EXOC4: variants seen among roughly 807,000 people sequenced by gnomAD.
EXOC4 encodes the protein SEC8-like 1.
A neutral mutation model predicts 107.2 loss-of-function variants in EXOC4; 71 were observed. The observed-to-expected ratio is 0.66, with a 90% confidence interval of 0.55 to 0.81. The LOEUF (loss-of-function observed/expected upper bound fraction) is 0.81. Ranked by LOEUF, EXOC4 falls within the 30% of genes least tolerant of loss-of-function variation. EXOC4 has a pLI of 0.00. For missense variants in EXOC4, 1,108 were observed against 1,189.6 expected, an observed-to-expected ratio of 0.93 and a Z score of 1.01; for synonymous variants, 456 against 441.2, an observed-to-expected ratio of 1.03 and a Z score of -0.42.
intron 10 of EXOC4, among the ~76,000 whole-genome samples, chr7:133,669,584 G>A (rs909685003): frequency 3.7e-4 from 2 of 5,390 alleles, no homozygotes; most frequent in South Asian, 0.071. Flanking sequence ...AACTATGTTC[G>A]CTAAATGCCT....
At chr7:134,013,032 A>G (rs114777486) in intron 17 of EXOC4, among the ~76,000 whole-genome samples, 1,878 of 152,338 alleles carry the variant, frequency 0.012, 48 homozygotes, top group African/African-American at 0.043. Flanking sequence ...TTCATACACA[A>G]CTTACCTAAA....
At chr7:133,928,703 A>C (rs956233795) in intron 13 of EXOC4, among the ~76,000 whole-genome samples, 1 of 152,014 alleles carries the variant, frequency 6.6e-6, no homozygotes, top group South Asian at 2.1e-4. Flanking sequence ...TGCTGGAGGG[A>C]AAAATATGGA....
intron 10 of EXOC4, among the ~76,000 whole-genome samples, chr7:133,659,079 G>A (rs1403764449): frequency 7.7e-5 from 10 of 130,496 alleles, no homozygotes; most frequent in African/African-American, 3.0e-4. Context: ...GACAGAAGTA[G>A]CTGTGGTATC....
chr7:133,623,639 C>T (rs973514101), intron 9 of EXOC4, among the ~76,000 whole-genome samples: 1 of 152,130 alleles, frequency 6.6e-6, no homozygotes, highest in African/African-American at 2.4e-5. Flanking sequence ...GGCTTGTTGC[C>T]TGGATTTTCT....
At chr7:134,016,261 T>C (rs886079825) in intron 17 of EXOC4, among the ~76,000 whole-genome samples, 1 of 152,024 alleles carries the variant, frequency 6.6e-6, no homozygotes, top group East Asian at 1.9e-4. Flanking sequence ...CAAACAGATA[T>C]GGGGAATCAT....
chr7:133,486,567 C>T (rs949727984), intron 9 of EXOC4, among the ~76,000 whole-genome samples: 7 of 152,104 alleles, frequency 4.6e-5, no homozygotes, highest in Admixed American at 2.0e-4. Flanking sequence ...TTGTTGCCTT[C>T]TAGAATTTGC....
Position 133,516,758 on chromosome 7 carries a change from A to ATTTTTTTTTTTTTTTTTTTTTTTTTTT in EXOC4, c.1417+36634_1417+36635insTTTTTTTTTTTTTTTTTTTTTTTTTTT, listed in dbSNP as rs780319592. Among the ~76,000 whole-genome samples the ATTTTTTTTTTTTTTTTTTTTTTTTTTT allele has an allele frequency of 8.2e-5, 4 of 49,040 alleles. 1 individual carries two copies. Among genetic ancestry groups the ATTTTTTTTTTTTTTTTTTTTTTTTTTT allele is most frequent in the East Asian group, 1.4e-3 (2 of 1,478 alleles). 32.2% of individuals were successfully genotyped at this position (49,040 alleles called of 152,430 possible). A position where few individuals can be genotyped will look rare whatever the true frequency, so the allele number is the denominator to read the frequency against. On this transcript the variant is annotated intron_variant, in intron 9 of 17. Coordinates refer to ENST00000253861, the MANE Select transcript of EXOC4 (RefSeq NM_021807.4). ...TGGGAAACTGCCAAACTAGCTGCTC[A>ATTTTTTTTTTTTTTTTTTTTTTTTTTT]TTTTTTTTTTTTTTACAGAATTTAT... is the stretch of plus-strand genomic sequence containing the variant.
chr7:133,771,657 T>A (rs1159844146), intron 10 of EXOC4, among the ~76,000 whole-genome samples: 1 of 152,038 alleles, frequency 6.6e-6, no homozygotes, highest in Non-Finnish European at 1.5e-5. Context: ...AATAATTGTT[T>A]CATTATTGAG....
At position 133,334,680 on chromosome 7, in the gene EXOC4, T is replaced by C. The variant is rs552121677; in HGVS notation, c.763+17290T>C. Among the ~76,000 whole-genome samples the C allele has an allele frequency of 6.6e-5, 10 of 152,262 alleles. No individual in the cohort carries two copies. The South Asian group carries it at 2.1e-3, about 32-fold the overall frequency. ...AGGTATTGAGCCTAGTACCCACTAG[T>C]TATTTTTTCTGATTCTCTCCCTCCT... On this transcript the variant is annotated intron_variant, in intron 5 of 17. Coordinates refer to ENST00000253861, the MANE Select transcript of EXOC4 (RefSeq NM_021807.4).
chr7:133,581,320 G>A (rs991873000), intron 9 of EXOC4, among the ~76,000 whole-genome samples: 7 of 152,082 alleles, frequency 4.6e-5, no homozygotes, highest in South Asian at 2.1e-4. Context: ...ATTTTAGGTC[G>A]CGGGTACATG....
At chr7:133,441,967 T>A (rs1420475613) in intron 7 of EXOC4, among the ~76,000 whole-genome samples, 2 of 152,212 alleles carry the variant, frequency 1.3e-5, no homozygotes, top group African/African-American at 4.8e-5. Context: ...GCTGGCTGGG[T>A]TCTCCTCCAG....
chr7:133,601,584 C>T (rs560862259), intron 9 of EXOC4, among the ~76,000 whole-genome samples: 61 of 152,148 alleles, frequency 4.0e-4, no homozygotes, highest in Middle Eastern at 3.4e-3. Flanking sequence ...GTTCCTTTCC[C>T]ACTGCTACTT....
In EXOC4 at chr7:133,253,601, G is replaced by A. The variant is rs576401179; in HGVS notation, c.86+414G>A. 53 of 756,326 alleles carry A rather than the reference G, an allele frequency of 7.0e-5. No individual in the cohort carries two copies. The East Asian group carries it at 4.6e-3, about 66-fold the overall frequency. 46.9% of individuals were successfully genotyped at this position (756,326 alleles called of 1,614,324 possible). A position where few individuals can be genotyped will look rare whatever the true frequency, so the allele number is the denominator to read the frequency against. ...TTTGGGGTGTAAGGCCTTGGAGTCC[G>A]GAGATTCCTGTCACGAGTTGCAGAT... is the stretch of plus-strand genomic sequence containing the variant. On this transcript the variant is annotated intron_variant, in intron 1 of 17. Transcript: ENST00000253861.
chr7:133,313,403 A>T (rs1794921100), intron 4 of EXOC4, among the ~76,000 whole-genome samples: 1 of 152,192 alleles, frequency 6.6e-6, no homozygotes, highest in Non-Finnish European at 1.5e-5. Context: ...TTCTTAGCTC[A>T]GTTTGATTTA....
chr7:133,608,312 A>G, intron 9 of EXOC4, among the ~76,000 whole-genome samples: 1 of 152,074 alleles, frequency 6.6e-6, no homozygotes, highest in Middle Eastern at 3.2e-3. Context: ...TGATTACCCC[A>G]TTTGAGTTTG....
chr7:133,321,242 G>A (rs1019864471), intron 5 of EXOC4, among the ~76,000 whole-genome samples: 6 of 151,560 alleles, frequency 4.0e-5, no homozygotes, highest in African/African-American at 4.8e-5. Flanking sequence ...TGTTTTTCAC[G>A]TGTCCTATTT....
At chr7:133,645,756 T>G (rs1376178936) in intron 10 of EXOC4, among the ~76,000 whole-genome samples, 1 of 152,178 alleles carries the variant, frequency 6.6e-6, no homozygotes, top group Admixed American at 6.5e-5. Context: ...AAATAGATTT[T>G]CATCCAATGT....
chr7:133,626,379 C>G (rs1172133842), intron 9 of EXOC4, among the ~76,000 whole-genome samples: 1 of 152,094 alleles, frequency 6.6e-6, no homozygotes, highest in African/African-American at 2.4e-5. Context: ...TTGTTTCTGA[C>G]AGCTTGATTT....
At chr7:133,337,438 A>G (rs1304404536) in intron 5 of EXOC4, among the ~76,000 whole-genome samples, 1 of 151,924 alleles carries the variant, frequency 6.6e-6, no homozygotes, top group East Asian at 1.9e-4. Context: ...GTTTTTTCCT[A>G]TACAAAATTG....
Sources: allele counts gnomAD v4.1 joint callset (sites outside exome capture counted in the v4.1 genomes callset), GRCh38; gene constraint gnomAD v4.1.1; transcripts MANE v1.5; gene names NCBI Gene and HGNC (gene_info 2026-07-23, HGNC 2026-07-21).